CD248: variants seen among roughly 807,000 people sequenced by gnomAD.
CD248 encodes CD248 molecule.
CD248 carries 7 observed loss-of-function variants against 8.0 expected under a neutral mutation model. The observed-to-expected ratio is 0.88, with a 90% confidence interval of 0.50 to 1.64. The LOEUF is 1.64. Ranked by LOEUF, CD248 falls within the 40% of genes most tolerant of loss-of-function variation. CD248 has a pLI of 0.00. For synonymous variants in CD248, 418 were observed against 437.1 expected (o/e 0.96, Z 0.54); for missense variants, 912 against 1,027.2 (o/e 0.89, Z 1.53).
chr11:66,315,786 G>A lies in CD248; in HGVS notation c.1242C>T (p.Phe414=). ...GTATCTGTGGCTCTCTGTCCTCTGG[G>A]AAGCTCGGTCTATAGGCCAGGGCAA... ...PDFALAYRPS[F]PEDREPQIPY... Residue 414 remains phenylalanine (F), a synonymous_variant, in exon 1 of 1, where the codon TTC becomes TTT. Transcript: ENST00000311330. The surrounding 1 kb of genome is among the most constrained non-coding windows in gnomAD (Gnocchi z 4.3). 6.2e-7 allele frequency: 1 copy of A among 1,613,662 alleles called. No individual in the cohort carries two copies. Among genetic ancestry groups the A allele is most frequent in the Non-Finnish European group, 8.5e-7 (1 of 1,179,766 alleles).
rs1854541260 is a variant in CD248 at position 66,315,877 on chromosome 11, G to A, written c.1151C>T (p.Ala384Val). The A allele has an allele frequency of 6.2e-7, 1 of 1,613,778 alleles. No individual in the cohort carries two copies. Among genetic ancestry groups the A allele is most frequent in the Admixed American group, 1.7e-5 (1 of 60,002 alleles). ...DEEDEDEAWK[A>V]FNGGWTEMPG... ...CATCTCCGTCCAGCCACCGTTGAAG[G>A]CCTTCCAGGCCTCGTCTTCATCTTC... Residue 384 changes from alanine (A) to valine (V), a missense_variant, in exon 1 of 1, where the codon GCC becomes GTC. This residue lies in a region of CD248 where 507 missense variants were observed against 562.2 expected (regional missense o/e 0.90). Coordinates refer to ENST00000311330, the MANE Select transcript of CD248 (RefSeq NM_020404.3). The surrounding 1 kb of genome is among the most constrained non-coding windows in gnomAD (Gnocchi z 4.3).
At position 66,316,670 on chromosome 11, in the gene CD248, G is replaced by T; in HGVS notation, c.358C>A (p.Pro120Thr). Residue 120 changes from proline to threonine, a missense_variant, in exon 1 of 1, where the codon CCA (proline) becomes ACA (threonine). By Grantham distance (38) the Pro-to-Thr change is conservative. Around this residue, in one of 3 missense-constraint regions of CD248, gnomAD observed 403 missense variants for 446.2 expected, o/e 0.90. Transcript: ENST00000311330. ...GCCGGGCAGGGGCCTCCAGAGGCTG[G>T]CTGGGCCCAGTTGGTGAAAGCCGTG... ...QDTAFTNWAQ[P>T]ASGGPCPAQR... is the part of the protein sequence containing the mutation. 6.2e-7 allele frequency: 1 copy of T among 1,606,418 alleles called. No individual in the cohort carries two copies. The highest frequency in any genetic ancestry group is 1.8e-4 in the Middle Eastern group (1 of 5,596).
chr11:66,315,230 C>T lies in CD248; in HGVS notation c.1798G>A (p.Val600Met). The change falls in exon 1 of 1, where the codon GTG (valine) becomes ATG (methionine). Residue 600 changes from valine (V) to methionine (M), a missense_variant. Around this residue, in one of 3 missense-constraint regions of CD248, gnomAD observed 507 missense variants for 562.2 expected, o/e 0.90. Coordinates refer to ENST00000311330, the MANE Select transcript of CD248 (RefSeq NM_020404.3). The surrounding 1 kb of genome is among the most constrained non-coding windows in gnomAD (Gnocchi z 4.3). ...ACAGAGATTTGATGGGCAGGAGACA[C>T]AGGGGACCTGGAGGTGGTGGTCAGA... The part of the protein sequence containing the change: ...PSLTTTSRSP[V>M]SPAHQISVPA... The T allele has an allele frequency of 1.3e-6, 2 of 1,529,298 alleles. No homozygotes were observed. Among genetic ancestry groups the T allele is most frequent in the South Asian group, 1.3e-5 (1 of 76,712 alleles). The allele number at this position is 1,529,298 out of a possible 1,614,324, so 94.7% of individuals were successfully genotyped here.
chr11:66,316,933 C>A lies in CD248; in HGVS notation c.95G>T (p.Ser32Ile). ...AAEPRAACGPSSCYALFPRRR... is the reference protein window; with the variant it reads ...AAEPRAACGPISCYALFPRRR... ...CCGTGGGAAGAGAGCGTAGCAGCTG[C>A]TGGGGCCGCAGGCGGCACGGGGCTC... is the stretch of plus-strand genomic sequence containing the variant. The change falls in exon 1 of 1, where the codon AGC becomes ATC. Residue 32 changes from serine (S) to isoleucine (I), a missense_variant. By Grantham distance (142) the Ser-to-Ile change is moderately radical (BLOSUM62 -2). Transcript: ENST00000311330. The A allele has an allele frequency of 1.9e-6, 3 of 1,554,422 alleles. No individual in the cohort carries two copies. Among genetic ancestry groups the A allele is most frequent in the Non-Finnish European group, 2.6e-6 (3 of 1,161,130 alleles).
Position 66,315,929 on chromosome 11 carries a change from C to A in CD248, c.1099G>T (p.Glu367Ter). The change falls in exon 1 of 1, where the codon GAG becomes TAG. Residue 367 changes from glutamate (E) to a stop codon, truncating the protein, a stop_gained. Coordinates refer to ENST00000311330, the MANE Select transcript of CD248 (RefSeq NM_020404.3). LOFTEE classifies it low-confidence loss of function (END_TRUNC). The surrounding 1 kb of genome is among the most constrained non-coding windows in gnomAD (Gnocchi z 4.3). ...TCATCCTCCCCGTCATCCAGCAACTCATCTCCGAGGTCCTGGGAAGCCTGG... is the reference window on the plus strand; with the variant it reads ...TCATCCTCCCCGTCATCCAGCAACTAATCTCCGAGGTCCTGGGAAGCCTGG... ...GAQASQDLGDELLDDGEDEED... is the reference protein window; with the variant it reads ...GAQASQDLGD 1 of 1,613,468 alleles carries A rather than the reference C, an allele frequency of 6.2e-7. No homozygotes were observed. Among genetic ancestry groups the A allele is most frequent in the Non-Finnish European group, 8.5e-7 (1 of 1,180,022 alleles).
At position 66,316,884 on chromosome 11, in the gene CD248, C is replaced by A; in HGVS notation, c.144G>T (p.Trp48Cys). 6.5e-7 allele frequency: 1 copy of A among 1,550,276 alleles called. No individual in the cohort carries two copies. Among genetic ancestry groups the A allele is most frequent in the Admixed American group, 1.9e-5 (1 of 52,086 alleles). Residue 48 changes from tryptophan to cysteine, a missense_variant, in exon 1 of 1, where the codon TGG becomes TGT. Coordinates refer to ENST00000311330, the MANE Select transcript of CD248 (RefSeq NM_020404.3). Reference protein sequence around the residue: ...FPRRRTFLEAWRACRELGGDL... With the variant: ...FPRRRTFLEACRACRELGGDL... ...CGCCCCCCAGCTCGCGGCAGGCCCGCCAGGCCTCCAGGAAGGTGCGGCGCC... is the reference window on the plus strand; with the variant it reads ...CGCCCCCCAGCTCGCGGCAGGCCCGACAGGCCTCCAGGAAGGTGCGGCGCC...
In CD248 at chr11:66,316,531, G is replaced by T; in HGVS notation, c.497C>A (p.Ala166Glu). Residue 166 changes from alanine to glutamate, a missense_variant, in exon 1 of 1, where the codon GCG becomes GAG. Physicochemically the swap from Ala to Glu is moderately radical, Grantham distance 107. Transcript: ENST00000311330. ...CQFGFEGACP[A>E]LQDEAGQAGP... ...GGCCTGGCCCGCCTCATCTTGCAGCGCCGGGCAGGCGCCCTCGAAGCCAAA... is the reference window on the plus strand; with the variant it reads ...GGCCTGGCCCGCCTCATCTTGCAGCTCCGGGCAGGCGCCCTCGAAGCCAAA... 1 of 1,598,994 alleles carries T rather than the reference G, an allele frequency of 6.3e-7. No individual in the cohort carries two copies. The highest frequency in any genetic ancestry group is 2.2e-5 in the East Asian group (1 of 44,832).
At position 66,316,437 on chromosome 11, in the gene CD248, A is replaced by G. The variant is rs567271111; in HGVS notation, c.591T>C (p.Ser197=). ...STEFEWLPFG[S]VAAVQCQAGR... Reference sequence around the variant, plus strand: ...CAGCCTGGCACTGCACAGCGGCCACAGAGCCGAAGGGCAGCCACTCAAACT... The same window carrying G: ...CAGCCTGGCACTGCACAGCGGCCACGGAGCCGAAGGGCAGCCACTCAAACT... The change falls in exon 1 of 1, where the codon TCT becomes TCC. Residue 197 remains serine, a synonymous_variant. Coordinates refer to ENST00000311330, the MANE Select transcript of CD248 (RefSeq NM_020404.3). 1 of 1,603,030 alleles carries G rather than the reference A, an allele frequency of 6.2e-7. No individual in the cohort carries two copies. Among genetic ancestry groups the G allele is most frequent in the East Asian group, 2.2e-5 (1 of 44,878 alleles).
Position 66,317,035 on chromosome 11 carries a change from C to T in CD248, c.-8G>A, listed in dbSNP as rs754195810. The T allele has an allele frequency of 4.4e-5, 62 of 1,413,688 alleles. No individual in the cohort carries two copies. The African/African-American group carries it at 8.6e-4, about 20-fold the overall frequency. 87.6% of individuals were successfully genotyped at this position (1,413,688 alleles called of 1,614,324 possible). A position where few individuals can be genotyped will look rare whatever the true frequency, so the allele number is the denominator to read the frequency against. The stretch of plus-strand genomic sequence containing the variant: ...CAACAGGCGCAGCAGCATCGCGATG[C>T]CCCCGGACTGGTCCGGCCCCGGGCT... On this transcript the variant is annotated 5_prime_UTR_variant, in exon 1 of 1. Coordinates refer to ENST00000311330, the MANE Select transcript of CD248 (RefSeq NM_020404.3).
rs924383295 is a variant in CD248 at position 66,316,970 on chromosome 11, G to C, written c.58C>G (p.Pro20Ala). 17 of 1,533,722 alleles carry C rather than the reference G, an allele frequency of 1.1e-5. No homozygotes were observed. The highest frequency in any genetic ancestry group is 1.5e-5 in the Non-Finnish European group (17 of 1,153,124). Residue 20 changes from proline to alanine, a missense_variant, in exon 1 of 1, where the codon CCC becomes GCC. Transcript: ENST00000311330. ...GCGGCACGGGGCTCAGCAGCCCAGG[G>C]GTCCTGGCCCAGTGTGGGCCCTGCG... ...AAAGPTLGQD[P>A]WAAEPRAACG...
rs1395758118 is a variant in CD248, at chr11:66,315,879, C to T, written c.1149G>A (p.Lys383=). The T allele has an allele frequency of 1.9e-6, 3 of 1,613,812 alleles. No individual in the cohort carries two copies. The highest frequency in any genetic ancestry group is 1.3e-5 in the African/African-American group (1 of 74,902). The change falls in exon 1 of 1, where the codon AAG becomes AAA. Residue 383 remains lysine (K), a synonymous_variant. Coordinates refer to ENST00000311330, the MANE Select transcript of CD248 (RefSeq NM_020404.3). This position sits in a 1 kb window ranked among gnomAD's most constrained non-coding sequence, Gnocchi z 4.3. ...EDEEDEDEAW[K]AFNGGWTEMP... is the part of the protein sequence containing the mutation. ...TCTCCGTCCAGCCACCGTTGAAGGCCTTCCAGGCCTCGTCTTCATCTTCCT... is the reference window on the plus strand; with the variant it reads ...TCTCCGTCCAGCCACCGTTGAAGGCTTTCCAGGCCTCGTCTTCATCTTCCT...
rs750759816 is a variant in CD248 at position 66,315,863 on chromosome 11, AGC to A, written c.1163_1164del (p.Gly388ValfsTer17). The A allele has an allele frequency of 5.0e-6, 8 of 1,613,988 alleles. No homozygotes were observed. On this transcript the variant is annotated frameshift_variant, in exon 1 of 1. Transcript: ENST00000311330. LOFTEE classifies it low-confidence loss of function (END_TRUNC). This position sits in a 1 kb window ranked among gnomAD's most constrained non-coding sequence, Gnocchi z 4.3. ...CACAGGATCCCAGGCATCTCCGTCC[AGC>A]CACCGTTGAAGGCCTTCCAGGCCTC... ...EDEAWKAFNGGWTEMPGILWM... is the reference protein window; with the variant it reads ...EDEAWKAFNGXWTEMPGILWM...
Position 66,316,940 on chromosome 11 carries a change from C to A in CD248, c.88G>T (p.Gly30Cys). The part of the protein sequence containing the change: ...PWAAEPRAAC[G>C]PSSCYALFPR... ...AAGAGAGCGTAGCAGCTGCTGGGGC[C>A]GCAGGCGGCACGGGGCTCAGCAGCC... Residue 30 changes from glycine to cysteine, a missense_variant, in exon 1 of 1, where the codon GGC (glycine) becomes TGC (cysteine). This residue lies in a region of CD248 where 403 missense variants were observed against 446.2 expected (regional missense o/e 0.90). Coordinates refer to ENST00000311330, the MANE Select transcript of CD248 (RefSeq NM_020404.3). 1 of 1,551,594 alleles carries A rather than the reference C, an allele frequency of 6.4e-7. No individual in the cohort carries two copies. The highest frequency in any genetic ancestry group is 8.6e-7 in the Non-Finnish European group (1 of 1,159,944).
At position 66,314,815 on chromosome 11, in the gene CD248, G is replaced by A. The variant is rs564723027; in HGVS notation, c.2213C>T (p.Thr738Ile). 6.4e-7 allele frequency: 1 copy of A among 1,570,086 alleles called. No individual in the cohort carries two copies. The highest frequency in any genetic ancestry group is 1.3e-5 in the African/African-American group (1 of 74,326). Reference protein sequence around the residue: ...WVIHAGSKSPTEPMPPRGSLT... With the variant: ...WVIHAGSKSPIEPMPPRGSLT... Reference sequence around the variant, plus strand: ...GCTGCCCCTGGGGGGCATGGGTTCTGTTGGGCTCTTGCTCCCAGCATGGAT... The same window carrying A: ...GCTGCCCCTGGGGGGCATGGGTTCTATTGGGCTCTTGCTCCCAGCATGGAT... Residue 738 changes from threonine to isoleucine, a missense_variant, in exon 1 of 1, where the codon ACA becomes ATA. This residue lies in a region of CD248 where 507 missense variants were observed against 562.2 expected (regional missense o/e 0.90). Coordinates refer to ENST00000311330, the MANE Select transcript of CD248 (RefSeq NM_020404.3). This position sits in a 1 kb window ranked among gnomAD's most constrained non-coding sequence, Gnocchi z 4.0.
At position 66,314,848 on chromosome 11, in the gene CD248, C is replaced by A; in HGVS notation, c.2180G>T (p.Arg727Leu). 6.3e-7 allele frequency: 1 copy of A among 1,594,558 alleles called. No homozygotes were observed. Among genetic ancestry groups the A allele is most frequent in the Non-Finnish European group, 8.5e-7 (1 of 1,171,288 alleles). Residue 727 changes from arginine (R) to leucine (L), a missense_variant, in exon 1 of 1, where the codon CGC becomes CTC. Physicochemically the swap from Arg to Leu is moderately radical, Grantham distance 102. Transcript: ENST00000311330. This position sits in a 1 kb window ranked among gnomAD's most constrained non-coding sequence, Gnocchi z 4.0. ...CTTGCTCCCAGCATGGATGACCCAG[C>A]GATAGCAGTCAGTGATGCGCTTGTT... ...APNKRITDCY[R>L]WVIHAGSKSP...
At position 66,316,894 on chromosome 11, in the gene CD248, A is replaced by G. The variant is rs1854558296; in HGVS notation, c.134T>C (p.Leu45Pro). 1 of 1,555,838 alleles carries G rather than the reference A, an allele frequency of 6.4e-7. No individual in the cohort carries two copies. Among genetic ancestry groups the G allele is most frequent in the African/African-American group, 1.4e-5 (1 of 73,212 alleles). The change falls in exon 1 of 1, where the codon CTG (leucine) becomes CCG (proline). Residue 45 changes from leucine (L) to proline (P), a missense_variant. Leu to Pro is a moderately conservative substitution (Grantham distance 98). Coordinates refer to ENST00000311330, the MANE Select transcript of CD248 (RefSeq NM_020404.3). ...CTCGCGGCAGGCCCGCCAGGCCTCC[A>G]GGAAGGTGCGGCGCCGTGGGAAGAG... Reference protein sequence around the residue: ...YALFPRRRTFLEAWRACRELG... With the variant: ...YALFPRRRTFPEAWRACRELG...
chr11:66,314,700 A>G lies in CD248; in HGVS notation c.*54T>C. On this transcript the variant is annotated 3_prime_UTR_variant, in exon 1 of 1. Transcript: ENST00000311330. The surrounding 1 kb of genome is among the most constrained non-coding windows in gnomAD (Gnocchi z 4.0). ...GGCAGCCCCCATGGGTCCCTGGTGC[A>G]GCCCCGGCCATGTGTCCAGCGCCCC... 3.5e-6 allele frequency: 5 copies of G among 1,448,674 alleles called. No homozygotes were observed. The highest frequency in any genetic ancestry group is 4.7e-6 in the Non-Finnish European group (5 of 1,072,914). The allele number at this position is 1,448,674 out of a possible 1,614,324, so 89.7% of individuals were successfully genotyped here. A position where few individuals can be genotyped will look rare whatever the true frequency, so the allele number is the denominator to read the frequency against.
Position 66,315,690 on chromosome 11 carries a change from G to A in CD248, c.1338C>T (p.Ser446=), listed in dbSNP as rs780999381. 2.3e-5 allele frequency: 37 copies of A among 1,613,274 alleles called. No homozygotes were observed. The highest frequency in any genetic ancestry group is 5.3e-5 in the African/African-American group (4 of 74,852). The part of the protein sequence containing the change: ...PRVPYHSSVL[S]VTRPVVVSAT... ...CAGAGACCACCACAGGCCGGGTGAC[G>A]GAGAGCACTGAGGAGTGGTAGGGGA... The change falls in exon 1 of 1, where the codon TCC becomes TCT. Residue 446 remains serine, a synonymous_variant. Transcript: ENST00000311330. This position sits in a 1 kb window ranked among gnomAD's most constrained non-coding sequence, Gnocchi z 4.3.
rs34524229 is a variant in CD248 at position 66,316,279 on chromosome 11, ACCT to A, written c.746_748del (p.Glu249del). ...GCAGCGGCAGGACACGTGACCATCC[ACCT>A]CCTCCACACATTCGTGTTCGCAGCC... On this transcript the variant is annotated inframe_deletion, in exon 1 of 1. Transcript: ENST00000311330. The A allele has an allele frequency of 2.4e-4, 395 of 1,612,380 alleles. 2 individuals carry two copies. The African/African-American group carries it at 4.9e-3, about 20-fold the overall frequency.
Sources: gnomAD v4.1 joint callset for allele counts on GRCh38, gnomAD v4.1.1 for gene constraint, gnomAD v4.1.1 regional missense constraint, Gnocchi (gnomAD v3.1) non-coding constraint, MANE v1.5 for transcripts, NCBI Gene and HGNC (gene_info 2026-07-23, HGNC 2026-07-21) for gene names.